The following CARMIL1 variants were observed in gnomAD, a reference collection of about 807,000 sequenced individuals.
CARMIL1 encodes the protein capping protein regulator and myosin 1 linker 1, also known as F-actin-uncapping protein LRRC16A.
In CARMIL1, 90 loss-of-function variants were observed where a neutral mutation model predicts 177.1. That is an observed-to-expected ratio of 0.51 (90% CI 0.43 to 0.61). The LOEUF is 0.61. CARMIL1 is among the 20% of genes least tolerant of loss of function. The pLI, the probability that CARMIL1 is intolerant of heterozygous loss-of-function variation, is 0.00. For missense variants in CARMIL1, 1,380 were observed against 1,667.0 expected (o/e 0.83, Z 3.00); for synonymous variants, 577 against 606.2 (o/e 0.95, Z 0.71).
At chr6:25,423,392 T>C (rs1261908306) in intron 3 of CARMIL1, among the ~76,000 whole-genome samples, 1 of 152,114 alleles carries the variant, frequency 6.6e-6, no homozygotes, top group East Asian at 1.9e-4. Flanking sequence ...TGGGTAATTA[T>C]GAGATCAAAG....
chr6:25,448,343 A>T (rs1376017269), intron 5 of CARMIL1, among the ~76,000 whole-genome samples: 18 of 151,834 alleles, frequency 1.2e-4, no homozygotes, highest in Non-Finnish European at 2.6e-4. Flanking sequence ...TTCTTCTGTT[A>T]CTCCTTTCTT....
At chr6:25,315,736 A>G (rs1784224198) in intron 2 of CARMIL1, among the ~76,000 whole-genome samples, 2 of 152,262 alleles carry the variant, frequency 1.3e-5, no homozygotes, top group South Asian at 4.1e-4. Context: ...TGATTCATCA[A>G]TATTCTAGGC....
intron 2 of CARMIL1, among the ~76,000 whole-genome samples, chr6:25,331,138 C>G (rs573961449): frequency 4.6e-5 from 7 of 152,280 alleles, no homozygotes; most frequent in Admixed American, 4.6e-4. Flanking sequence ...ATCTCCCTTG[C>G]TTGTACTCTG....
At chr6:25,603,641 G>C (rs1268448073) in intron 33 of CARMIL1, among the ~76,000 whole-genome samples, 1 of 152,204 alleles carries the variant, frequency 6.6e-6, no homozygotes, top group Non-Finnish European at 1.5e-5. Context: ...GCAGTCTGAA[G>C]GTCAGACTGC....
intron 1 of CARMIL1, 64 bp from the exon 2 acceptor site, chr6:25,284,748 C>A: frequency 2.2e-6 from 2 of 898,510 alleles, no homozygotes; most frequent in Non-Finnish European, 3.5e-6. Context: ...TATACTCCTC[C>A]AAATGCTTAC....
At chr6:25,519,756 C>G (rs1281349453) in intron 22 of CARMIL1, among the ~76,000 whole-genome samples, 2 of 152,190 alleles carry the variant, frequency 1.3e-5, no homozygotes, top group Admixed American at 6.5e-5. Flanking sequence ...TTTGTGGATG[C>G]TAATGGCTTG....
At chr6:25,322,225 CAA>C (rs1046510215) in intron 2 of CARMIL1, among the ~76,000 whole-genome samples, 2 of 152,202 alleles carry the variant, frequency 1.3e-5, no homozygotes, top group African/African-American at 4.8e-5. Flanking sequence ...TGGGTTCAAA[CAA>C]TTCTTGTGCC....
At chr6:25,570,898 C>T (rs1413239914) in intron 29 of CARMIL1, among the ~76,000 whole-genome samples, 1 of 152,146 alleles carries the variant, frequency 6.6e-6, no homozygotes, top group Non-Finnish European at 1.5e-5. Flanking sequence ...ACCTTTTCTT[C>T]CTAGGCTTGC....
chr6:25,299,825 A>T (rs1261827439), intron 2 of CARMIL1, among the ~76,000 whole-genome samples: 2 of 152,042 alleles, frequency 1.3e-5, no homozygotes, highest in Non-Finnish European at 1.5e-5. Context: ...TAAAAATAGA[A>T]AAATTAGCTG....
chr6:25,532,740 T>A (rs1045501671), intron 24 of CARMIL1, among the ~76,000 whole-genome samples: 4 of 152,212 alleles, frequency 2.6e-5, no homozygotes, highest in Non-Finnish European at 5.9e-5. Context: ...GACTCAACAT[T>A]CTATTTTCGT....
intron 2 of CARMIL1, among the ~76,000 whole-genome samples, chr6:25,308,025 C>T (rs1182999095): frequency 6.6e-6 from 1 of 152,156 alleles, no homozygotes. Flanking sequence ...ACAAGGTAGC[C>T]ATCCAGTTAT....
intron 5 of CARMIL1, among the ~76,000 whole-genome samples, chr6:25,441,623 G>A (rs145146618): frequency 0.042 from 6,387 of 151,962 alleles, 154 homozygotes; most frequent in Middle Eastern, 0.085. Context: ...GAAAATTTAA[G>A]TTAAATTTAA....
intron 5 of CARMIL1, among the ~76,000 whole-genome samples, chr6:25,436,394 G>T (rs1042642213): frequency 1.3e-5 from 2 of 152,206 alleles, no homozygotes; most frequent in Non-Finnish European, 2.9e-5. Context: ...GGAAGGGCTG[G>T]AGGCCCCACA....
At chr6:25,556,103 C>T (rs765549364) in intron 28 of CARMIL1, among the ~76,000 whole-genome samples, 7 of 152,136 alleles carry the variant, frequency 4.6e-5, no homozygotes, top group Non-Finnish European at 8.8e-5. Flanking sequence ...TCAAAGTTTC[C>T]GTGGACTTGC....
At chr6:25,350,061 C>T (rs1015365593) in intron 2 of CARMIL1, among the ~76,000 whole-genome samples, 26 of 152,100 alleles carry the variant, frequency 1.7e-4, no homozygotes, top group Admixed American at 7.9e-4. Context: ...ATGGAAATGC[C>T]TCGGGGGACC....
chr6:25,605,932 T>C, intron 34 of CARMIL1, 129 bp from the exon 35 acceptor site: 1 of 654,770 alleles, frequency 1.5e-6, no homozygotes, highest in Non-Finnish European at 2.6e-6. Flanking sequence ...AGCATATTCT[T>C]AAAATACTCT....
rs1039352290 is a variant in CARMIL1, at chr6:25,600,734, G to A, written c.3540G>A (p.Ala1180=). 1.3e-5 allele frequency: 20 copies of A among 1,538,134 alleles called. No homozygotes were observed. The highest frequency in any genetic ancestry group is 2.3e-5 in the East Asian group (1 of 43,870). ...AAGCCAAGCAAGAGAAGAGAGCTGC[G>A]TGTGCGCAGAAGGTAAGGGTGGACC... ...EMKAKQEKRA[A]CAQKKLGNDA... The change falls in exon 33 of 37, where the codon GCG becomes GCA. Residue 1180 remains alanine, a synonymous_variant. Transcript: ENST00000329474.
chr6:25,566,292 G>C (rs544779269), intron 29 of CARMIL1, among the ~76,000 whole-genome samples: 1 of 152,288 alleles, frequency 6.6e-6, no homozygotes, highest in South Asian at 2.1e-4. Context: ...AAGGTTCATG[G>C]TCCATAAAGT....
chr6:25,391,509 G>T (rs1330454803), intron 2 of CARMIL1, among the ~76,000 whole-genome samples: 1 of 152,176 alleles, frequency 6.6e-6, no homozygotes, highest in Non-Finnish European at 1.5e-5. Context: ...TCGAGATCTT[G>T]CAGAAGATGA....
Sources: allele counts gnomAD v4.1 joint callset (sites outside exome capture counted in the v4.1 genomes callset), GRCh38; gene constraint gnomAD v4.1.1; transcripts MANE v1.5; gene names NCBI Gene and HGNC (gene_info 2026-07-23, HGNC 2026-07-21).